ACACA: variants seen among roughly 807,000 people sequenced by gnomAD.
The protein encoded by ACACA is acetyl-CoA carboxylase 1.
A neutral mutation model predicts 296.1 loss-of-function variants in ACACA; 103 were observed. That is an observed-to-expected ratio of 0.35 (90% CI 0.30 to 0.41). The LOEUF (loss-of-function observed/expected upper bound fraction) is 0.41, where lower values mean the gene tolerates loss of function less well. Ranked by LOEUF, ACACA falls within the 10% of genes least tolerant of loss-of-function variation. ACACA has a pLI of 1.00. For synonymous variants in ACACA, 953 were observed against 1,038.6 expected (o/e 0.92, Z 1.58); for missense variants, 1,554 against 2,989.7 (o/e 0.52, Z 11.20).
At chr17:37,365,519 T>G (rs1482301714) in intron 1 of ACACA, 1 of 985,456 alleles carries the variant, frequency 1.0e-6, no homozygotes, top group Non-Finnish European at 1.2e-6. Context: ...TCCAGTGGGA[T>G]ATATAGCTGC....
chr17:37,250,473 A>G (rs1359163389), intron 16 of ACACA, among the ~76,000 whole-genome samples: 1 of 151,978 alleles, frequency 6.6e-6, no homozygotes, highest in Admixed American at 6.6e-5. Flanking sequence ...CTCCGTCTCT[A>G]CTAAAAATAC....
intron 3 of ACACA, among the ~76,000 whole-genome samples, chr17:37,322,989 G>C (rs892639395): frequency 6.6e-6 from 1 of 152,228 alleles, no homozygotes; most frequent in Non-Finnish European, 1.5e-5. Flanking sequence ...ACAGAAAGCT[G>C]TCACACTGGC....
rs184947711 is a variant in ACACA, at chr17:37,210,390, T to G, written c.3707+77A>C. 4.0e-4 allele frequency: 502 copies of G among 1,256,226 alleles called. 1 individual carries two copies. In the African/African-American group the frequency reaches 5.2e-3, roughly 13 times the overall value. 77.8% of individuals were successfully genotyped at this position (1,256,226 alleles called of 1,614,324 possible). A position where few individuals can be genotyped will look rare whatever the true frequency, so the allele number is the denominator to read the frequency against. ...CACATTATCTTGTCAAGTGTTGTGG[T>G]TTTTTTTTTCCTGGTTTCACTATTC... On this transcript the variant is annotated intron_variant, in intron 30 of 55. Transcript: ENST00000616317.
intron 25 of ACACA, among the ~76,000 whole-genome samples, chr17:37,232,890 C>T (rs1193471686): frequency 3.3e-5 from 5 of 151,952 alleles, no homozygotes; most frequent in African/African-American, 9.7e-5. Flanking sequence ...TCCTCCTCTT[C>T]CCATCCCCCT....
Position 37,260,285 on chromosome 17 carries a change from TATATATATA to T in ACACA, c.1330-764_1330-756del, listed in dbSNP as rs1440849638. On this transcript the variant is annotated intron_variant, in intron 11 of 55. Coordinates refer to ENST00000616317, the MANE Select transcript of ACACA (RefSeq NM_198834.3). ...ATATATATATATATATATATATATATATATATATATATTTTTTTTTTTTTTTTTTTTGGA... is the reference window on the plus strand; with the variant it reads ...ATATATATATATATATATATATATATTATTTTTTTTTTTTTTTTTTTTGGA... Among the ~76,000 whole-genome samples, 40 of 33,016 alleles carry T rather than the reference TATATATATA, an allele frequency of 1.2e-3. 4 individuals are homozygous for T. The highest frequency in any genetic ancestry group is 3.7e-3 in the South Asian group (2 of 544). 21.7% of individuals were successfully genotyped at this position (33,016 alleles called of 152,430 possible).
intron 47 of ACACA, 102 bp downstream of exon 47, chr17:37,129,262 GT>G: frequency 6.6e-7 from 1 of 1,511,758 alleles, no homozygotes; most frequent in African/African-American, 1.4e-5. Context: ...ACTTACCTCT[GT>G]TTTCTTAGTC....
intron 25 of ACACA, among the ~76,000 whole-genome samples, chr17:37,228,206 C>CTTTT (rs11299899): frequency 6.6e-5 from 7 of 106,050 alleles, no homozygotes; most frequent in African/African-American, 1.5e-4. Flanking sequence ...TTCTCAAACC[C>CTTTT]TTTTTTTTTT....
Position 37,104,945 on chromosome 17 carries a change from A to AAG in ACACA, c.6565+6585_6565+6586insCT, listed in dbSNP as rs1555546830. 5.2e-4 allele frequency among the ~76,000 whole-genome samples: 37 copies of AAG among 71,596 alleles called. No individual in the cohort carries two copies. The African/African-American group carries it at 5.2e-3, about 10-fold the overall frequency. 47.0% of individuals were successfully genotyped at this position (71,596 alleles called of 152,430 possible). ...CAGAGTGAGAATCTGTCTCTGACCGAAAAAAAAAAAAAAAAAAAAAAGCTA... is the reference window on the plus strand; with the variant it reads ...CAGAGTGAGAATCTGTCTCTGACCGAAGAAAAAAAAAAAAAAAAAAAAAGCTA... On this transcript the variant is annotated intron_variant, in intron 52 of 55. Coordinates refer to ENST00000616317, the MANE Select transcript of ACACA (RefSeq NM_198834.3).
Position 37,252,865 on chromosome 17 carries a change from T to C in ACACA, c.1977+21A>G, listed in dbSNP as rs777784769. ...TCTATAAAAACCCAATCCCAGCATC[T>C]GTTTGTGGAGAAATACACACCTGTA... On this transcript the variant is annotated intron_variant, in intron 15 of 55. Transcript: ENST00000616317. 1.9e-6 allele frequency: 3 copies of C among 1,613,896 alleles called. No homozygotes were observed. The African/African-American group carries it at 4.0e-5, about 22-fold the overall frequency.
chr17:37,377,938 A>G, intron 1 of ACACA: 1 of 1,613,788 alleles, frequency 6.2e-7, no homozygotes, highest in Non-Finnish European at 8.5e-7. Context: ...AAAAGACGTG[A>G]GAAGCATCAG....
intron 3 of ACACA, among the ~76,000 whole-genome samples, chr17:37,307,868 G>A (rs1328148488): frequency 6.6e-6 from 1 of 151,906 alleles, no homozygotes; most frequent in Non-Finnish European, 1.5e-5. Flanking sequence ...GATTATAGGT[G>A]TGAGCCACTG....
At chr17:37,380,617 A>C (rs1231122084) in intron 1 of ACACA, among the ~76,000 whole-genome samples, 1 of 151,444 alleles carries the variant, frequency 6.6e-6, no homozygotes, top group Non-Finnish European at 1.5e-5. Context: ...TTTGTTTTTG[A>C]GATGGTGTCT....
intron 3 of ACACA, among the ~76,000 whole-genome samples, chr17:37,326,941 T>C (rs2047651628): frequency 6.6e-6 from 1 of 152,192 alleles, no homozygotes; most frequent in Admixed American, 6.6e-5. Context: ...ATTTTCTATT[T>C]GGGCTCATCC....
At chr17:37,316,261 T>C (rs886279495) in intron 3 of ACACA, among the ~76,000 whole-genome samples, 4 of 150,798 alleles carry the variant, frequency 2.7e-5, no homozygotes, top group African/African-American at 7.4e-5. Context: ...GTTTCACTGA[T>C]ACTTCTGCAC....
chr17:37,153,346 CACT>C lies in ACACA; in HGVS notation c.5448-1928_5448-1926del, dbSNP rs1484454510. On this transcript the variant is annotated intron_variant, in intron 43 of 55. Coordinates refer to ENST00000616317, the MANE Select transcript of ACACA (RefSeq NM_198834.3). ...GGGCACCATGATGAACTCCCAGAAG[CACT>C]ACAAGATATTTTAAATTTTTGAGAG... is the stretch of plus-strand genomic sequence containing the variant. Among the ~76,000 whole-genome samples the C allele has an allele frequency of 2.6e-5, 4 of 152,264 alleles. No individual in the cohort carries two copies. The East Asian group carries it at 5.8e-4, about 22-fold the overall frequency.
intron 16 of ACACA, among the ~76,000 whole-genome samples, chr17:37,249,056 T>C (rs2080856686): frequency 2.0e-5 from 3 of 152,208 alleles, no homozygotes; most frequent in African/African-American, 7.2e-5. Flanking sequence ...TTCTACTTTC[T>C]AGTTCTATGA....
chr17:37,294,524 T>C (rs977679390), intron 3 of ACACA, among the ~76,000 whole-genome samples: 9 of 152,190 alleles, frequency 5.9e-5, no homozygotes, highest in African/African-American at 1.4e-4. Flanking sequence ...AGGCATGAGA[T>C]AGCAATACAA....
At chr17:37,309,015 A>G (rs2084009292) in intron 3 of ACACA, among the ~76,000 whole-genome samples, 1 of 152,098 alleles carries the variant, frequency 6.6e-6, no homozygotes, top group Non-Finnish European at 1.5e-5. Context: ...ACAAGTATTT[A>G]TTTTATGTTT....
At chr17:37,372,285 C>A (rs893656603) in intron 1 of ACACA, among the ~76,000 whole-genome samples, 1 of 151,860 alleles carries the variant, frequency 6.6e-6, no homozygotes, top group Non-Finnish European at 1.5e-5. Flanking sequence ...TGGTGGCGGG[C>A]ACCTGTAGTC....
Sources: allele counts gnomAD v4.1 joint callset (sites outside exome capture counted in the v4.1 genomes callset), GRCh38; gene constraint gnomAD v4.1.1; transcripts MANE v1.5; gene names NCBI Gene and HGNC (gene_info 2026-07-23, HGNC 2026-07-21).